PCDHGA8: variants seen among roughly 807,000 people sequenced by gnomAD.
PCDHGA8 encodes protocadherin gamma subfamily A, 8.
Under a neutral mutation model 59.2 loss-of-function variants are expected in PCDHGA8, and 45 were observed. The observed-to-expected ratio is 0.76, with a 90% CI of 0.60 to 0.98. PCDHGA8 has a LOEUF of 0.98. Ranked by LOEUF, PCDHGA8 falls within the 50% of genes least tolerant of loss-of-function variation. PCDHGA8 has a pLI of 0.00. For missense variants in PCDHGA8, 1,257 were observed against 1,196.2 expected, an observed-to-expected ratio of 1.05 and a Z score of -0.75; for synonymous variants, 531 against 519.0, an observed-to-expected ratio of 1.02 and a Z score of -0.32.
intron 1 of PCDHGA8, among the ~76,000 whole-genome samples, chr5:141,455,803 A>G (rs1197986124): frequency 6.6e-6 from 1 of 152,068 alleles, no homozygotes; most frequent in Non-Finnish European, 1.5e-5. Context: ...TGCTTTAAAA[A>G]ATGAAAACTT....
At chr5:141,419,962 G>A in intron 1 of PCDHGA8, 1 of 1,614,092 alleles carries the variant, frequency 6.2e-7, no homozygotes, top group African/African-American at 1.3e-5. Context: ...TGATTTCTGT[G>A]CTCTTTCTCC....
chr5:141,499,565 C>T (rs1291006795), intron 2 of PCDHGA8, among the ~76,000 whole-genome samples: 1 of 152,168 alleles, frequency 6.6e-6, no homozygotes, highest in East Asian at 1.9e-4. Flanking sequence ...CACTATCCAG[C>T]TTCAACTAAT....
chr5:141,430,580 G>A, intron 1 of PCDHGA8: 1 of 478,526 alleles, frequency 2.1e-6, no homozygotes, highest in Admixed American at 3.8e-5. Context: ...CGGAGATCCT[G>A]CTCGCCTTGC....
intron 1 of PCDHGA8, chr5:141,398,495 T>G: frequency 1.2e-6 from 2 of 1,610,214 alleles, no homozygotes; most frequent in Non-Finnish European, 1.7e-6. Context: ...AATGTGGAGA[T>G]CGAGGACATT....
At chr5:141,402,816 C>A (rs1009078444) in intron 1 of PCDHGA8, 4 of 1,261,760 alleles carry the variant, frequency 3.2e-6, no homozygotes, top group South Asian at 3.4e-5. Flanking sequence ...ATACCACAAA[C>A]CTGCTCCCAG....
At chr5:141,502,300 TTCCTC>T (rs139569110) in intron 2 of PCDHGA8, among the ~76,000 whole-genome samples, 4,853 of 152,256 alleles carry the variant, frequency 0.032, 250 homozygotes, top group African/African-American at 0.11. Flanking sequence ...TGTCACGTCT[TTCCTC>T]TCCTTTAATC....
intron 1 of PCDHGA8, chr5:141,484,875 T>G: frequency 3.2e-6 from 1 of 317,108 alleles, no homozygotes; most frequent in Non-Finnish European, 5.8e-6. Context: ...GCGTGGAGGA[T>G]AGGGTGGGCT....
Position 141,422,952 on chromosome 5 carries a change from C to T in PCDHGA8, c.2424+27715C>T, listed in dbSNP as rs759618535. 11 of 1,614,254 alleles carry T rather than the reference C, an allele frequency of 6.8e-6. No homozygotes were observed. The East Asian group carries it at 2.0e-4, about 29-fold the overall frequency. On this transcript the variant is annotated intron_variant, in intron 1 of 3. Coordinates refer to ENST00000398604, the MANE Select transcript of PCDHGA8 (RefSeq NM_032088.2). ...CCCTCCCCACAGACGGCTCCACTGG[C>T]GTGGAGCTGGCGCCCCGCTCTGCGG...
intron 1 of PCDHGA8, chr5:141,418,451 A>AG (rs2096259161): frequency 3.1e-6 from 5 of 1,614,046 alleles, no homozygotes; most frequent in Non-Finnish European, 4.2e-6. Context: ...AGTATTGCAG[A>AG]AGACTCTGGA....
At chr5:141,399,590 T>C (rs1369616193) in intron 1 of PCDHGA8, 5 of 1,613,854 alleles carry the variant, frequency 3.1e-6, no homozygotes, top group Admixed American at 3.3e-5. Flanking sequence ...TACTCTATCA[T>C]GGCCAGCGAC....
rs2093147678 is a variant in PCDHGA8 at position 141,395,004 on chromosome 5, A to T, written c.2191A>T (p.Arg731Ter). Residue 731 changes from arginine (R) to a stop codon, truncating the protein, a stop_gained, in exon 1 of 4, where the codon AGA becomes TGA. Transcript: ENST00000398604. LOFTEE classifies it high-confidence loss of function. ...ACGCCTGCTCCAGGATTCCGGTGGC[A>T]GATTGGTAGGCGTGCCTGCCTCACA... The part of the protein sequence containing the change: ...KSRLLQDSGG[R>*]LVGVPASHFV... The T allele has an allele frequency of 1.9e-6, 3 of 1,614,010 alleles. No homozygotes were observed. The highest frequency in any genetic ancestry group is 2.5e-6 in the Non-Finnish European group (3 of 1,179,934).
Position 141,489,341 on chromosome 5 carries a change from CAGT to C in PCDHGA8, c.2425-5465_2425-5463del. The stretch of plus-strand genomic sequence containing the variant: ...TGGGTGTCTGGGCAGCTTCGTTACT[CAGT>C]GGTGGAGGAGTCTGAGCCGGGGACG... On this transcript the variant is annotated intron_variant, in intron 1 of 3. Coordinates refer to ENST00000398604, the MANE Select transcript of PCDHGA8 (RefSeq NM_032088.2). This position sits in a 1 kb window ranked among gnomAD's most constrained non-coding sequence, Gnocchi z 4.5. The C allele has an allele frequency of 6.2e-7, 1 of 1,609,088 alleles. No homozygotes were observed. Among genetic ancestry groups the C allele is most frequent in the Non-Finnish European group, 8.5e-7 (1 of 1,176,770 alleles).
chr5:141,431,474 G>T lies in PCDHGA8; in HGVS notation c.2424+36237G>T, dbSNP rs747313827. 3.7e-6 allele frequency: 6 copies of T among 1,613,842 alleles called. No homozygotes were observed. The South Asian group carries it at 6.6e-5, about 18-fold the overall frequency. ...GATGGTTCTGGATGCGAACGACAAC[G>T]CACCAGCGTTTGCTCAGCCCGAGTA... is the stretch of plus-strand genomic sequence containing the variant. On this transcript the variant is annotated intron_variant, in intron 1 of 3. Transcript: ENST00000398604. The surrounding 1 kb of genome is among the most constrained non-coding windows in gnomAD (Gnocchi z 4.8).
intron 1 of PCDHGA8, chr5:141,468,330 C>CAAAAAAAAAAAAAAAAGAAAAAAAAAAA (rs2099163578): frequency 1.3e-5 from 1 of 79,888 alleles, no homozygotes; most frequent in African/African-American, 3.9e-5. Flanking sequence ...AACTCCATCT[C>CAAAAAAAAAAAAAAAAGAAAAAAAAAAA]AAAAAAAAAA....
rs765454115 is a variant in PCDHGA8, at chr5:141,410,470, T to C, written c.2424+15233T>C. On this transcript the variant is annotated intron_variant, in intron 1 of 3. Coordinates refer to ENST00000398604, the MANE Select transcript of PCDHGA8 (RefSeq NM_032088.2). Reference sequence around the variant, plus strand: ...TGCCTTATTCTTATAATCTGTGCATTGCACATACGGGTACAAAAGAGTTTA... The same window carrying C: ...TGCCTTATTCTTATAATCTGTGCATCGCACATACGGGTACAAAAGAGTTTA... 1.9e-6 allele frequency: 3 copies of C among 1,613,922 alleles called. No individual in the cohort carries two copies. The African/African-American group carries it at 4.0e-5, about 22-fold the overall frequency.
chr5:141,414,862 G>A (rs763491057), intron 1 of PCDHGA8: 1 of 1,614,226 alleles, frequency 6.2e-7, no homozygotes, highest in Non-Finnish European at 8.5e-7. Context: ...GAACGACAAT[G>A]CGCCCGAGAT....
Position 141,491,300 on chromosome 5 carries a change from G to A in PCDHGA8, c.2425-3507G>A, listed in dbSNP as rs2099710472. On this transcript the variant is annotated intron_variant, in intron 1 of 3. Coordinates refer to ENST00000398604, the MANE Select transcript of PCDHGA8 (RefSeq NM_032088.2). This position sits in a 1 kb window ranked among gnomAD's most constrained non-coding sequence, Gnocchi z 6.9. ...GACTTCCTCATACACCCTCCTGAGC[G>A]TTCAGACCTTACCCTTTACCTCATT... 1 of 1,614,136 alleles carries A rather than the reference G, an allele frequency of 6.2e-7. No homozygotes were observed. The highest frequency in any genetic ancestry group is 1.1e-5 in the South Asian group (1 of 91,086).
chr5:141,395,435 T>A, intron 1 of PCDHGA8, 198 bp downstream of exon 1: 1 of 680,384 alleles, frequency 1.5e-6, no homozygotes, highest in Non-Finnish European at 2.3e-6. Context: ...TTTAAACGAC[T>A]TGGAAAAGAT....
At chr5:141,422,058 A>G (rs1015726657) in intron 1 of PCDHGA8, 3 of 1,611,890 alleles carry the variant, frequency 1.9e-6, no homozygotes, top group African/African-American at 2.7e-5. Flanking sequence ...TCAACGGGGA[A>G]GTAATGTATT....
Sources: allele counts gnomAD v4.1 joint callset (sites outside exome capture counted in the v4.1 genomes callset), GRCh38; gene constraint gnomAD v4.1.1; non-coding constraint Gnocchi (gnomAD v3.1); transcripts MANE v1.5; gene names NCBI Gene and HGNC (gene_info 2026-07-23, HGNC 2026-07-21).